Variants in ZFYVE26 observed in about 807,000 individuals in gnomAD.
ZFYVE26 encodes zinc finger FYVE domain-containing protein 26.
A neutral mutation model predicts 276.5 loss-of-function variants in ZFYVE26; 181 were observed. The observed-to-expected ratio is 0.65, with a 90% CI of 0.58 to 0.74. The LOEUF is 0.74. Ranked by LOEUF, ZFYVE26 falls within the 30% of genes least tolerant of loss-of-function variation. The pLI is 0.00. For missense variants in ZFYVE26, 2,821 were observed against 3,097.9 expected (o/e 0.91, Z 2.12); for synonymous variants, 1,129 against 1,203.1 (o/e 0.94, Z 1.27).
rs1266096645 is a variant in ZFYVE26, at chr14:67,793,686, G to T, written c.2475C>A (p.Leu825=). ...CAGGTGGGGAGAACATCATGGGGAT[G>T]AGTGAACTTTGAGGATGGGGGTGCA... ...SRLHPHPQSS[L]IPMMFSPPES... is the part of the protein sequence containing the mutation. Residue 825 remains leucine, a synonymous_variant, in exon 14 of 42, where the codon CTC becomes CTA. Transcript: ENST00000347230. 8 of 1,613,814 alleles carry T rather than the reference G, an allele frequency of 5.0e-6. No homozygotes were observed. The highest frequency in any genetic ancestry group is 6.8e-6 in the Non-Finnish European group (8 of 1,179,916).
chr14:67,753,973 C>G, intron 38 of ZFYVE26, 98 bp downstream of exon 38: 8 of 1,597,590 alleles, frequency 5.0e-6, no homozygotes, highest in Non-Finnish European at 6.9e-6. Context: ...AGGCAGCCAT[C>G]AAACAAACAA....
In ZFYVE26 at chr14:67,751,097, C is replaced by T. The variant is rs2038627767; in HGVS notation, c.7372-1G>A. 1 of 1,614,218 alleles carries T rather than the reference C, an allele frequency of 6.2e-7. No homozygotes were observed. Among genetic ancestry groups the T allele is most frequent in the East Asian group, 2.2e-5 (1 of 44,886 alleles). ...TTGCCTGGATCAGGCCCTCCAGCTC[C>T]TGTGCAGAACAGAAACAGCACTGTG... is the stretch of plus-strand genomic sequence containing the variant. On this transcript the variant is annotated splice_acceptor_variant, in intron 40 of 41. Transcript: ENST00000347230. LOFTEE classifies it high-confidence loss of function.
Position 67,802,119 on chromosome 14 carries a change from G to C in ZFYVE26, c.1599C>G (p.Ala533=). 1 of 1,613,794 alleles carries C rather than the reference G, an allele frequency of 6.2e-7. No homozygotes were observed. The highest frequency in any genetic ancestry group is 1.1e-5 in the South Asian group (1 of 91,060). ...AGTCATTCGCTGGCTCTGTAGCTGA[G>C]GCCAGGTCCTCAGAGAGGCTGTCTT... ...DCKDSLSEDL[A]SATEPANDSL... Residue 533 remains alanine, a synonymous_variant, in exon 10 of 42, where the codon GCC becomes GCG. Transcript: ENST00000347230.
At chr14:67,789,673 T>G in intron 15 of ZFYVE26, 75 bp from the exon 16 acceptor site, 1 of 1,599,096 alleles carries the variant, frequency 6.3e-7, no homozygotes, top group Non-Finnish European at 8.5e-7. Flanking sequence ...GGTAAAGTAG[T>G]TACTTTCAAA....
downstream of ZFYVE26, among the ~76,000 whole-genome samples, chr14:67,742,838 C>CTTCTTTTTTTTTTTTTT (rs769663149): frequency 2.1e-4 from 19 of 89,766 alleles, no homozygotes; most frequent in Non-Finnish European, 3.2e-4. Context: ...TCTTCTTCTT[C>CTTCTTTTTTTTTTTTTT]TTTTTTTTTT....
At chr14:67,750,287 G>T (rs1429472683) in intron 41 of ZFYVE26, among the ~76,000 whole-genome samples, 1 of 152,188 alleles carries the variant, frequency 6.6e-6, no homozygotes, top group Non-Finnish European at 1.5e-5. Context: ...TGCCCATTAA[G>T]TTCAGTCCCA....
In ZFYVE26 at chr14:67,785,267, A is replaced by G. The variant is rs2140226686; in HGVS notation, c.3315T>C (p.Thr1105=). The change falls in exon 19 of 42, where the codon ACT becomes ACC. Residue 1105 remains threonine (T), a synonymous_variant. Coordinates refer to ENST00000347230, the MANE Select transcript of ZFYVE26 (RefSeq NM_015346.4). ...GCTCCACCAGGGAAGACAGTGGAGG[A>G]GTCCTGGGCTCTGAGAGGAGGATGG... is the stretch of plus-strand genomic sequence containing the variant. ...REALELPEPR[T]PPLSSLVEQA... 1 of 1,605,356 alleles carries G rather than the reference A, an allele frequency of 6.2e-7. No homozygotes were observed.
chr14:67,792,008 C>T (rs1021437890), intron 14 of ZFYVE26, among the ~76,000 whole-genome samples: 5 of 144,154 alleles, frequency 3.5e-5, no homozygotes, highest in African/African-American at 7.7e-5. Flanking sequence ...TGCAGTGAGC[C>T]GAGATCGAGC....
intron 4 of ZFYVE26, 136 bp from the exon 5 acceptor site, chr14:67,808,056 T>C (rs549388649): frequency 1.9e-6 from 2 of 1,054,484 alleles, no homozygotes; most frequent in Middle Eastern, 2.8e-4. Flanking sequence ...GTAGTTACTA[T>C]GTGTTAGACA....
At chr14:67,809,622 C>A (rs1386380595) in intron 3 of ZFYVE26, among the ~76,000 whole-genome samples, 1 of 151,658 alleles carries the variant, frequency 6.6e-6, no homozygotes, top group Non-Finnish European at 1.5e-5. Flanking sequence ...AGGGTGTCAC[C>A]ATTTGGCCAA....
intron 2 of ZFYVE26, 140 bp from the exon 3 acceptor site, chr14:67,814,204 T>C: frequency 1.4e-6 from 1 of 733,196 alleles, no homozygotes; most frequent in Non-Finnish European, 2.4e-6. Flanking sequence ...TATTTTTAAA[T>C]GTATATGACA....
At chr14:67,749,515 G>A (rs1011471217) in intron 41 of ZFYVE26, among the ~76,000 whole-genome samples, 6 of 152,138 alleles carry the variant, frequency 3.9e-5, no homozygotes, top group Admixed American at 3.9e-4. Context: ...GGTGAGCAGA[G>A]AGGCCTTCAT....
At chr14:67,770,238 C>T (rs751586748) in intron 28 of ZFYVE26, 2 of 180,084 alleles carry the variant, frequency 1.1e-5, no homozygotes, top group South Asian at 1.2e-4. Context: ...CAGAGGTGAG[C>T]GGATCATCTG....
At chr14:67,787,731 A>G (rs900781435) in intron 16 of ZFYVE26, among the ~76,000 whole-genome samples, 1 of 152,248 alleles carries the variant, frequency 6.6e-6, no homozygotes, top group African/African-American at 2.4e-5. Context: ...GGACACAAAC[A>G]GCATTGTATA....
chr14:67,794,296 A>T lies in ZFYVE26; in HGVS notation c.2333-57T>A. 4 of 1,565,888 alleles carry T rather than the reference A, an allele frequency of 2.6e-6. No individual in the cohort carries two copies. The East Asian group carries it at 9.0e-5, about 35-fold the overall frequency. ...ATTATCAGCTCCTTATAGAGTAGGA[A>T]GTGTGAAGTTGGCTTGACAGCCAAG... On this transcript the variant is annotated intron_variant, in intron 12 of 41. Coordinates refer to ENST00000347230, the MANE Select transcript of ZFYVE26 (RefSeq NM_015346.4).
At chr14:67,770,189 C>T (rs1020477130) in intron 28 of ZFYVE26, 16 of 244,976 alleles carry the variant, frequency 6.5e-5, no homozygotes, top group South Asian at 3.9e-4. Flanking sequence ...TTAGGCTGGG[C>T]GCGGTGGTTC....
At chr14:67,751,437 T>A in intron 40 of ZFYVE26, 2 of 411,526 alleles carry the variant, frequency 4.9e-6, no homozygotes, top group South Asian at 4.2e-5. Context: ...TCACACTAAG[T>A]ATGTATCAGC....
Position 67,769,708 on chromosome 14 carries a change from C to T in ZFYVE26, c.5507G>A (p.Arg1836His), listed in dbSNP as rs368779530. The change falls in exon 29 of 42, where the codon CGC becomes CAC. Residue 1836 changes from arginine (R) to histidine (H), a missense_variant. Coordinates refer to ENST00000347230, the MANE Select transcript of ZFYVE26 (RefSeq NM_015346.4). ...FTMFNRRHHC[R>H]RCGRLVCSSC... ...GCTGCACACTAGCCGGCCACAGCGG[C>T]GACAATGATGACGCCTGTTAAACTG... 8 of 1,613,912 alleles carry T rather than the reference C, an allele frequency of 5.0e-6. No homozygotes were observed. The highest frequency in any genetic ancestry group is 2.7e-5 in the African/African-American group (2 of 74,886).
intron 14 of ZFYVE26, among the ~76,000 whole-genome samples, chr14:67,728,958 C>T (rs1268026306): frequency 6.6e-6 from 1 of 152,144 alleles, no homozygotes; most frequent in Non-Finnish European, 1.5e-5. Context: ...AATAGAAGGA[C>T]CTCGAACCAG....
Sources: gnomAD v4.1 joint callset for allele counts (sites outside exome capture counted in the v4.1 genomes callset) on GRCh38, gnomAD v4.1.1 for gene constraint, MANE v1.5 for transcripts, NCBI Gene and HGNC (gene_info 2026-07-23, HGNC 2026-07-21) for gene names.